COL28A1: variants seen among roughly 807,000 people sequenced by gnomAD.
The protein encoded by COL28A1 is collagen alpha-1(XXVIII) chain.
In COL28A1, 161 loss-of-function variants were observed where a neutral mutation model predicts 150.2. That is an observed-to-expected ratio of 1.07 (90% confidence interval 0.94 to 1.22). The LOEUF (loss-of-function observed/expected upper bound fraction) is 1.22. COL28A1 is among the 50% of genes most tolerant of loss of function. COL28A1 has a pLI of 0.00. For synonymous variants in COL28A1, 552 were observed against 469.7 expected (o/e 1.18, Z -2.26); for missense variants, 1,617 against 1,388.3 (o/e 1.16, Z -2.62).
chr7:7,511,556 T>C (rs1168002294), intron 8 of COL28A1: 2 of 308,390 alleles, frequency 6.5e-6, no homozygotes, highest in Non-Finnish European at 1.3e-5. Context: ...CTCTATCAAA[T>C]AGCTAGTAAG....
intron 3 of COL28A1, among the ~76,000 whole-genome samples, chr7:7,530,622 C>T (rs1428268966): frequency 1.3e-5 from 2 of 152,082 alleles, no homozygotes; most frequent in Non-Finnish European, 2.9e-5. Flanking sequence ...GAGGGATTTC[C>T]TTTTGATTGT....
chr7:7,347,560 A>C, the COL28A1 span, among the ~76,000 whole-genome samples: 5 of 152,138 alleles, frequency 3.3e-5, no homozygotes, highest in Non-Finnish European at 5.9e-5. Flanking sequence ...CCCAGGTTGC[A>C]GTTAGTTAAC....
Position 7,370,770 on chromosome 7 carries a change from T to C in COL28A1, c.3021A>G (p.Glu1007=), listed in dbSNP as rs1781185868. 1.2e-6 allele frequency: 2 copies of C among 1,613,818 alleles called. No individual in the cohort carries two copies. Among genetic ancestry groups the C allele is most frequent in the African/African-American group, 1.3e-5 (1 of 74,884 alleles). ...GAGGCTCTGGAGTAGATTCACTGAG[T>C]TCTTCCCCTGACATCCCAAATCCAG... is the stretch of plus-strand genomic sequence containing the variant. ...PQPGFGMSGE[E]LSESTPEPQK... Residue 1007 remains glutamate (E), a synonymous_variant, in exon 33 of 35, where the codon GAA becomes GAG. Coordinates refer to ENST00000399429, the MANE Select transcript of COL28A1 (RefSeq NM_001037763.3).
intron 9 of COL28A1, among the ~76,000 whole-genome samples, chr7:7,507,990 T>A (rs571844970): frequency 6.6e-6 from 1 of 152,170 alleles, no homozygotes; most frequent in Admixed American, 6.5e-5. Flanking sequence ...CCCAGCACTT[T>A]GGGAGGCCGA....
intron 3 of COL28A1, among the ~76,000 whole-genome samples, chr7:7,525,200 A>T (rs148699906): frequency 1.3e-5 from 2 of 152,360 alleles, no homozygotes; most frequent in East Asian, 3.9e-4. Flanking sequence ...ATGTGACTCA[A>T]CTGAGGTAAC....
intron 27 of COL28A1, among the ~76,000 whole-genome samples, chr7:7,388,786 A>T (rs1782358578): frequency 6.6e-6 from 1 of 152,044 alleles, no homozygotes; most frequent in South Asian, 2.1e-4. Flanking sequence ...ACGTTTGCTG[A>T]CTACATATAT....
chr7:7,517,072 C>T (rs17168408), intron 7 of COL28A1, among the ~76,000 whole-genome samples: 3 of 151,820 alleles, frequency 2.0e-5, no homozygotes, highest in Admixed American at 2.0e-4. Context: ...GTAGAATATA[C>T]CTAAGAAATG....
At chr7:7,471,785 C>A (rs1242539305) in intron 15 of COL28A1, among the ~76,000 whole-genome samples, 1 of 152,130 alleles carries the variant, frequency 6.6e-6, no homozygotes, top group African/African-American at 2.4e-5. Context: ...ATCCCAGCTA[C>A]TCAGGAGGCT....
chr7:7,399,022 T>C (rs529886160), intron 27 of COL28A1, among the ~76,000 whole-genome samples: 1 of 152,302 alleles, frequency 6.6e-6, no homozygotes, highest in Admixed American at 6.5e-5. Flanking sequence ...GAATCTCCAA[T>C]TCTCTAGTCC....
In COL28A1 at chr7:7,448,209, C is replaced by T. The variant is rs75493348; in HGVS notation, c.1510-3720G>A. Among the ~76,000 whole-genome samples the T allele has an allele frequency of 8.0e-3, 1,211 of 152,120 alleles. 16 individuals carry two copies. The highest frequency in any genetic ancestry group is 0.028 in the African/African-American group (1,152 of 41,488). Reference sequence around the variant, plus strand: ...AAGAATATCAGTGAACCAAGAATACCAATGAACTTCAAGCACAAGAAACAT... The same window carrying T: ...AAGAATATCAGTGAACCAAGAATACTAATGAACTTCAAGCACAAGAAACAT... On this transcript the variant is annotated intron_variant, in intron 18 of 34. Coordinates refer to ENST00000399429, the MANE Select transcript of COL28A1 (RefSeq NM_001037763.3).
chr7:7,419,684 T>C (rs941346643), intron 26 of COL28A1, among the ~76,000 whole-genome samples: 3 of 152,218 alleles, frequency 2.0e-5, no homozygotes, highest in East Asian at 1.9e-4. Flanking sequence ...CTCATTTCTT[T>C]TGGGGGAAGT....
chr7:7,498,434 C>A (rs1237285522), intron 11 of COL28A1, among the ~76,000 whole-genome samples: 2 of 152,070 alleles, frequency 1.3e-5, no homozygotes, highest in African/African-American at 4.8e-5. Context: ...GATAATGTTT[C>A]TTCAAAACTT....
At chr7:7,517,634 A>G (rs903227164) in intron 7 of COL28A1, among the ~76,000 whole-genome samples, 162 bp downstream of exon 7, 1 of 152,100 alleles carries the variant, frequency 6.6e-6, no homozygotes, top group East Asian at 1.9e-4. Flanking sequence ...CCACATTTCC[A>G]CTTCTAAGAT....
intron 27 of COL28A1, among the ~76,000 whole-genome samples, chr7:7,388,703 C>T (rs1342494030): frequency 1.3e-5 from 2 of 152,162 alleles, no homozygotes; most frequent in African/African-American, 4.8e-5. Flanking sequence ...GCCATTCTAA[C>T]TGGTGTGAGA....
intron 11 of COL28A1, 100 bp downstream of exon 11, chr7:7,505,914 C>A (rs1039177991): frequency 1.7e-5 from 13 of 767,876 alleles, no homozygotes; most frequent in Non-Finnish European, 3.1e-5. Flanking sequence ...AAAGGTACTT[C>A]CTCAAAGAAT....
intron 21 of COL28A1, among the ~76,000 whole-genome samples, chr7:7,439,368 C>A (rs1228032923): frequency 6.6e-6 from 1 of 152,102 alleles, no homozygotes; most frequent in Admixed American, 6.6e-5. Context: ...CACAAAAAAA[C>A]CCCATCCAAG....
At position 7,383,288 on chromosome 7, in the gene COL28A1, G is replaced by GTT. The variant is rs1160911194; in HGVS notation, c.2137-1678_2137-1677dup. On this transcript the variant is annotated intron_variant, in intron 27 of 34. Transcript: ENST00000399429. The stretch of plus-strand genomic sequence containing the variant: ...TGTGTGTGTGTGTGTGTGTGTGTGT[G>GTT]TTTTTTTTGAGACAGAGTCTCACTC... Among the ~76,000 whole-genome samples, 309 of 94,562 alleles carry GTT rather than the reference G, an allele frequency of 3.3e-3. 1 individual carries two copies. Among genetic ancestry groups the GTT allele is most frequent in the East Asian group, 8.1e-3 (21 of 2,582 alleles). The allele number at this position is 94,562 out of a possible 152,430, so 62.0% of individuals were successfully genotyped here. A position where few individuals can be genotyped will look rare whatever the true frequency, so the allele number is the denominator to read the frequency against.
At chr7:7,485,150 T>C (rs890256469) in intron 13 of COL28A1, among the ~76,000 whole-genome samples, 12 of 151,982 alleles carry the variant, frequency 7.9e-5, no homozygotes, top group African/African-American at 2.9e-4. Flanking sequence ...AAAGAACACA[T>C]ATTAAAGTTT....
downstream of COL28A1, among the ~76,000 whole-genome samples, chr7:7,355,939 TA>T (rs1239078154): frequency 6.6e-6 from 1 of 152,152 alleles, no homozygotes; most frequent in East Asian, 1.9e-4. Flanking sequence ...TAGGAGAACT[TA>T]ACTGATCATA....
Sources: gnomAD v4.1 joint callset for allele counts (sites outside exome capture counted in the v4.1 genomes callset) on GRCh38, gnomAD v4.1.1 for gene constraint, MANE v1.5 for transcripts, NCBI Gene and HGNC (gene_info 2026-07-23, HGNC 2026-07-21) for gene names.